DNAH8: variants seen among roughly 807,000 people sequenced by gnomAD.
The protein encoded by DNAH8 is dynein axonemal heavy chain 8.
In DNAH8, 382 loss-of-function variants were observed where a neutral mutation model predicts 562.1. That is an observed-to-expected ratio of 0.68 (90% CI 0.63 to 0.74). The LOEUF (loss-of-function observed/expected upper bound fraction) is 0.74. Among genes scored for constraint, DNAH8 ranks in the 30% least tolerant of loss-of-function variants. The pLI, the probability that DNAH8 is intolerant of heterozygous loss-of-function variation, is 0.00. For synonymous variants in DNAH8, 1,881 were observed against 1,919.4 expected, an observed-to-expected ratio of 0.98 and a Z score of 0.52; for missense variants, 5,203 against 5,620.4, an observed-to-expected ratio of 0.93 and a Z score of 2.37.
intron 74 of DNAH8, 37 bp from the exon 75 acceptor site, chr6:38,929,474 T>G: frequency 6.4e-7 from 1 of 1,558,778 alleles, no homozygotes; most frequent in Non-Finnish European, 8.7e-7. Context: ...GCACATTCTT[T>G]GTAACACAGA....
At chr6:38,793,211 T>C (rs1769919238) in intron 21 of DNAH8, among the ~76,000 whole-genome samples, 1 of 152,196 alleles carries the variant, frequency 6.6e-6, no homozygotes, top group South Asian at 2.1e-4. Context: ...TGGAGTGCAG[T>C]GGCAAGATCA....
intron 21 of DNAH8, among the ~76,000 whole-genome samples, chr6:38,795,362 G>A (rs995358356): frequency 6.6e-5 from 10 of 152,114 alleles, no homozygotes; most frequent in African/African-American, 1.9e-4. Context: ...GGTGGATCAC[G>A]AGGTCAGGAG....
intron 64 of DNAH8, among the ~76,000 whole-genome samples, chr6:38,908,467 T>C (rs1212318996): frequency 6.6e-6 from 1 of 152,174 alleles, no homozygotes; most frequent in Non-Finnish European, 1.5e-5. Context: ...GGTTTGAAAA[T>C]CTCTATCTCA....
At chr6:38,937,908 A>C in intron 77 of DNAH8, 66 bp from the exon 78 acceptor site, 3 of 1,539,684 alleles carry the variant, frequency 1.9e-6, no homozygotes, top group African/African-American at 1.4e-5. Flanking sequence ...TTTTTTCAGA[A>C]GAGATGTATC....
chr6:38,990,738 G>A (rs913042200), intron 88 of DNAH8, among the ~76,000 whole-genome samples: 2 of 152,054 alleles, frequency 1.3e-5, no homozygotes, highest in African/African-American at 4.8e-5. Flanking sequence ...AGAGTGGAGG[G>A]GCTCAGCTTT....
intron 21 of DNAH8, among the ~76,000 whole-genome samples, chr6:38,798,662 A>T (rs1158742396): frequency 6.6e-6 from 1 of 152,224 alleles, no homozygotes; most frequent in African/African-American, 2.4e-5. Context: ...TATTGATGGC[A>T]GTGTGGGTCG....
At chr6:38,884,426 T>A (rs1440767786) in intron 56 of DNAH8, among the ~76,000 whole-genome samples, 1 of 152,184 alleles carries the variant, frequency 6.6e-6, no homozygotes, top group Non-Finnish European at 1.5e-5. Flanking sequence ...CCTGAGTAGC[T>A]GGGATAACAT....
In DNAH8 at chr6:39,008,923, T is replaced by C. The variant is rs769965696; in HGVS notation, c.13324T>C (p.Ser4442Pro). 6.2e-7 allele frequency: 1 copy of C among 1,611,554 alleles called. No individual in the cohort carries two copies. The highest frequency in any genetic ancestry group is 1.7e-5 in the Admixed American group (1 of 59,976). ...ETREAIVYRLSEDMLSKLPPD... is the reference protein window; with the variant it reads ...ETREAIVYRLPEDMLSKLPPD... Reference sequence around the variant, plus strand: ...CCGGGAGGCTATTGTTTATAGATTATCTGAAGATATGCTGAGTAAACTCCC... The same window carrying C: ...CCGGGAGGCTATTGTTTATAGATTACCTGAAGATATGCTGAGTAAACTCCC... Residue 4442 changes from serine (S) to proline (P), a missense_variant, in exon 89 of 93, where the codon TCT becomes CCT. Coordinates refer to ENST00000327475, the MANE Select transcript of DNAH8 (RefSeq NM_001206927.2).
intron 88 of DNAH8, among the ~76,000 whole-genome samples, chr6:38,997,428 C>G (rs967256520): frequency 3.3e-5 from 5 of 152,098 alleles, no homozygotes; most frequent in African/African-American, 1.2e-4. Flanking sequence ...AAGAAGGGGT[C>G]AAAGATGCCC....
At chr6:38,907,838 C>A in intron 63 of DNAH8, 118 bp from the exon 64 acceptor site, 1 of 908,110 alleles carries the variant, frequency 1.1e-6, no homozygotes, top group Non-Finnish European at 1.5e-6. Context: ...TGTGGAGATG[C>A]TGAAAGAAAA....
chr6:38,946,314 C>T lies in DNAH8; in HGVS notation c.12129+726C>T, dbSNP rs139064832. ...GAGCCTCATGCTGTAATCACCAATC[C>T]CCTGCCCAACATACTGTGTTAGCTG... On this transcript the variant is annotated intron_variant, in intron 80 of 92. Coordinates refer to ENST00000327475, the MANE Select transcript of DNAH8 (RefSeq NM_001206927.2). Among the ~76,000 whole-genome samples the T allele has an allele frequency of 5.3e-5, 8 of 152,292 alleles. No individual in the cohort carries two copies. The East Asian group carries it at 1.5e-3, about 29-fold the overall frequency.
intron 28 of DNAH8, among the ~76,000 whole-genome samples, chr6:38,825,669 C>T (rs1026491525): frequency 3.3e-5 from 5 of 152,098 alleles, no homozygotes; most frequent in Admixed American, 1.3e-4. Flanking sequence ...TGACCTGGGA[C>T]AACTGGCTAG....
chr6:38,848,753 T>C lies in DNAH8; in HGVS notation c.5151T>C (p.Tyr1717=). 1 of 1,613,634 alleles carries C rather than the reference T, an allele frequency of 6.2e-7. No individual in the cohort carries two copies. The highest frequency in any genetic ancestry group is 8.5e-7 in the Non-Finnish European group (1 of 1,179,642). ...EWLVVQNLWV[Y]LEAVFVGGDI... Reference sequence around the variant, plus strand: ...TCGTAGTACAGAACCTTTGGGTTTATCTTGAAGCCGTCTTTGTAGGTGGAG... The same window carrying C: ...TCGTAGTACAGAACCTTTGGGTTTACCTTGAAGCCGTCTTTGTAGGTGGAG... Residue 1717 remains tyrosine, a synonymous_variant, in exon 37 of 93, where the codon TAT becomes TAC. Coordinates refer to ENST00000327475, the MANE Select transcript of DNAH8 (RefSeq NM_001206927.2).
At chr6:38,767,603 C>G (rs908430120) in intron 11 of DNAH8, among the ~76,000 whole-genome samples, 3 of 152,152 alleles carry the variant, frequency 2.0e-5, no homozygotes, top group Non-Finnish European at 4.4e-5. Context: ...ATATTTTCAT[C>G]TACGTTCTAG....
chr6:38,859,470 A>G (rs1279870220), intron 42 of DNAH8, among the ~76,000 whole-genome samples: 1 of 152,240 alleles, frequency 6.6e-6, no homozygotes, highest in Non-Finnish European at 1.5e-5. Context: ...TGAACATTGT[A>G]TAGTAGCCAC....
Position 38,840,537 on chromosome 6 carries a change from C to T in DNAH8, c.4467-1831C>T, listed in dbSNP as rs560218254. Among the ~76,000 whole-genome samples, 10 of 152,168 alleles carry T rather than the reference C, an allele frequency of 6.6e-5. No individual in the cohort carries two copies. The South Asian group carries it at 1.0e-3, about 16-fold the overall frequency. ...AGGCCCTTATTTCTATTGAAGTCTA[C>T]GGAAATATATTGTTTACTTATAAAT... On this transcript the variant is annotated intron_variant, in intron 33 of 92. Coordinates refer to ENST00000327475, the MANE Select transcript of DNAH8 (RefSeq NM_001206927.2).
chr6:38,729,579 G>T (rs1763503252), intron 3 of DNAH8, among the ~76,000 whole-genome samples: 1 of 152,168 alleles, frequency 6.6e-6, no homozygotes, highest in South Asian at 2.1e-4. Context: ...GAGCTTTTAA[G>T]AATAGTTTAT....
rs1172716291 is a variant in DNAH8, at chr6:39,024,161, A to G, written c.13715-2385A>G. On this transcript the variant is annotated intron_variant, in intron 91 of 92. Coordinates refer to ENST00000327475, the MANE Select transcript of DNAH8 (RefSeq NM_001206927.2). ...ATTGTCTTGGTCATTGTCTAGCCAC[A>G]AGGAATGAGGTCAAATTTGCAGTTT... Among the ~76,000 whole-genome samples the G allele has an allele frequency of 3.3e-5, 5 of 152,340 alleles. No homozygotes were observed. In the East Asian group the frequency reaches 7.7e-4, roughly 24 times the overall value.
intron 91 of DNAH8, among the ~76,000 whole-genome samples, chr6:39,019,102 G>C (rs1206362562): frequency 6.6e-6 from 1 of 152,122 alleles, no homozygotes; most frequent in African/African-American, 2.4e-5. Context: ...AATACTGGTG[G>C]GAAGGAGAGA....
Sources: allele counts gnomAD v4.1 joint callset (sites outside exome capture counted in the v4.1 genomes callset), GRCh38; gene constraint gnomAD v4.1.1; transcripts MANE v1.5; gene names NCBI Gene and HGNC (gene_info 2026-07-23, HGNC 2026-07-21).